The following UPP2 variants were observed in gnomAD, a reference collection of about 807,000 sequenced individuals.
UPP2 encodes uridine phosphorylase 2.
In UPP2, 23 loss-of-function variants were observed where a neutral mutation model predicts 26.7. The ratio of observed to expected loss-of-function variants is 0.86; its 90% CI spans 0.62 to 1.22. UPP2 has a LOEUF of 1.22. Ranked by LOEUF, UPP2 falls within the 50% of genes most tolerant of loss-of-function variation. The pLI is 0.00. For synonymous variants in UPP2, 127 were observed against 141.3 expected (o/e 0.90, Z 0.72); for missense variants, 387 against 396.7 (o/e 0.98, Z 0.21).
At chr2:158,117,800 A>C (rs771022833) in intron 3 of UPP2, 24 bp from the exon 4 acceptor site, 1 of 1,555,524 alleles carries the variant, frequency 6.4e-7, no homozygotes, top group East Asian at 2.2e-5. Flanking sequence ...AAGATGTATG[A>C]TGACTTTCTC....
At chr2:158,105,936 T>C (rs1387624262) in intron 1 of UPP2, among the ~76,000 whole-genome samples, 163 bp from the exon 2 acceptor site, 69 of 152,268 alleles carry the variant, frequency 4.5e-4, no homozygotes, top group Non-Finnish European at 1.6e-4. Context: ...AGTGCTATGC[T>C]TGGCACATAG....
At chr2:158,077,008 C>A (rs1682640956) in intron 3 of UPP2, among the ~76,000 whole-genome samples, 1 of 152,014 alleles carries the variant, frequency 6.6e-6, no homozygotes, top group African/African-American at 2.4e-5. Context: ...AAATCAGTAG[C>A]ATTTCTATAT....
chr2:158,130,835 C>T (rs933878263), intron 6 of UPP2, among the ~76,000 whole-genome samples: 2 of 152,174 alleles, frequency 1.3e-5, no homozygotes, highest in Admixed American at 1.3e-4. Flanking sequence ...CACCCATCCC[C>T]AATTGTGATT....
At chr2:158,006,859 G>C (rs1574241932) in intron 2 of UPP2, among the ~76,000 whole-genome samples, 1 of 152,164 alleles carries the variant, frequency 6.6e-6, no homozygotes, top group South Asian at 2.1e-4. Context: ...ACTGGATTTA[G>C]AGCAAGGTAT....
chr2:158,052,532 A>G (rs559649591), intron 3 of UPP2, among the ~76,000 whole-genome samples: 2 of 152,346 alleles, frequency 1.3e-5, no homozygotes, highest in South Asian at 4.1e-4. Flanking sequence ...AACAGTAGCC[A>G]TTCATTATAT....
intron 3 of UPP2, among the ~76,000 whole-genome samples, chr2:158,021,484 G>A (rs1683751663): frequency 6.6e-6 from 1 of 152,218 alleles, no homozygotes; most frequent in South Asian, 2.1e-4. Flanking sequence ...ACACATGGCT[G>A]TCTGTTCATC....
chr2:158,010,864 C>T (rs1683566104), intron 2 of UPP2, among the ~76,000 whole-genome samples: 1 of 150,834 alleles, frequency 6.6e-6, no homozygotes, highest in East Asian at 1.9e-4. Context: ...CTCCTGGGTT[C>T]AAGTGATTCT....
intron 2 of UPP2, among the ~76,000 whole-genome samples, chr2:158,014,294 G>A (rs1683626039): frequency 6.6e-6 from 1 of 152,166 alleles, no homozygotes; most frequent in South Asian, 2.1e-4. Context: ...GTTAAGCAGG[G>A]GAGCTCATCA....
chr2:158,102,721 A>G (rs537031730), intron 1 of UPP2, among the ~76,000 whole-genome samples: 2 of 152,202 alleles, frequency 1.3e-5, no homozygotes, highest in East Asian at 3.9e-4. Context: ...GCATAAGGAG[A>G]TTTTGCTGGT....
chr2:158,022,130 G>A (rs1057408957), intron 3 of UPP2, among the ~76,000 whole-genome samples: 4 of 151,714 alleles, frequency 2.6e-5, no homozygotes, highest in African/African-American at 9.7e-5. Flanking sequence ...TGACCACTGT[G>A]TGTAGTAAAG....
chr2:158,106,284 C>T lies in UPP2; in HGVS notation c.180+68C>T. ...CTACTAATTTTTCTTCTTACCTTGC[C>T]AAAATAATCTATACACCTTTGGCTA... On this transcript the variant is annotated intron_variant, in intron 2 of 6. Coordinates refer to ENST00000005756, the MANE Select transcript of UPP2 (RefSeq NM_173355.4). 6.6e-6 allele frequency: 9 copies of T among 1,368,708 alleles called. No homozygotes were observed. In the South Asian group the frequency reaches 1.1e-4, roughly 17 times the overall value. 84.8% of individuals were successfully genotyped at this position (1,368,708 alleles called of 1,614,324 possible).
intron 3 of UPP2, among the ~76,000 whole-genome samples, chr2:158,061,448 A>G (rs1682350499): frequency 6.6e-6 from 1 of 152,234 alleles, no homozygotes; most frequent in Admixed American, 6.5e-5. Flanking sequence ...GGGTCTTTAC[A>G]TACATTTGAG....
intron 3 of UPP2, among the ~76,000 whole-genome samples, chr2:158,055,241 A>G (rs1377375526): frequency 6.6e-6 from 1 of 152,102 alleles, no homozygotes; most frequent in African/African-American, 2.4e-5. Context: ...GAGCATGCTA[A>G]TGTGCTGGTT....
In UPP2 at chr2:158,123,745, T is replaced by TCAG. The variant is rs770859632; in HGVS notation, c.665-3_665-1dup. On this transcript the variant is annotated splice_polypyrimidine_tract_variant and splice_region_variant and intron_variant, in intron 5 of 6. Transcript: ENST00000005756. Reference sequence around the variant, plus strand: ...GTCACTAAACGTTCTCCCCTCCCTTTCAGGCCAAGGCCGACTAGATGGAGC... The same window carrying TCAG: ...GTCACTAAACGTTCTCCCCTCCCTTTCAGCAGGCCAAGGCCGACTAGATGGAGC... 13 of 1,612,734 alleles carry TCAG rather than the reference T, an allele frequency of 8.1e-6. No individual in the cohort carries two copies. In the African/African-American group the frequency reaches 1.7e-4, roughly 22 times the overall value.
chr2:158,127,970 T>C (rs1466413771), intron 6 of UPP2: 1 of 984,976 alleles, frequency 1.0e-6, no homozygotes. Flanking sequence ...TAAAGCAAAA[T>C]CTACTTTAAT....
At chr2:158,011,248 C>T (rs1234855832) in intron 2 of UPP2, among the ~76,000 whole-genome samples, 3 of 152,180 alleles carry the variant, frequency 2.0e-5, no homozygotes, top group Non-Finnish European at 4.4e-5. Flanking sequence ...AAGGTAATGA[C>T]TCAGGTAACC....
intron 2 of UPP2, among the ~76,000 whole-genome samples, chr2:158,013,190 C>G (rs568704149): frequency 1.2e-4 from 18 of 152,136 alleles, no homozygotes; most frequent in Middle Eastern, 3.4e-3. Context: ...GAGATGGAGT[C>G]TCACTATGTT....
intron 3 of UPP2, among the ~76,000 whole-genome samples, chr2:158,042,658 C>T (rs192276518): frequency 1.0e-3 from 159 of 152,304 alleles, no homozygotes; most frequent in African/African-American, 3.6e-3. Context: ...AAGAAACTTG[C>T]ACTCTAAGAT....
intron 2 of UPP2, 67 bp downstream of exon 2, chr2:158,106,283 C>T (rs781674765): frequency 1.5e-6 from 2 of 1,368,654 alleles, no homozygotes; most frequent in Non-Finnish European, 2.1e-6. Flanking sequence ...TCTTACCTTG[C>T]CAAAATAATC....
Sources: gnomAD v4.1 joint callset for allele counts (sites outside exome capture counted in the v4.1 genomes callset) on GRCh38, gnomAD v4.1.1 for gene constraint, MANE v1.5 for transcripts, NCBI Gene and HGNC (gene_info 2026-07-23, HGNC 2026-07-21) for gene names.